ZNF385D: variants seen among roughly 807,000 people sequenced by gnomAD.
The protein encoded by ZNF385D is zinc finger protein 659.
A neutral mutation model predicts 35.8 loss-of-function variants in ZNF385D; 15 were observed. The observed-to-expected ratio is 0.42, with a 90% CI of 0.28 to 0.64. ZNF385D has a LOEUF of 0.64. Among genes scored for constraint, ZNF385D ranks in the 30% least tolerant of loss-of-function variants. The pLI, the probability that ZNF385D is intolerant of heterozygous loss-of-function variation, is 0.23. For missense variants in ZNF385D, 474 were observed against 494.6 expected (o/e 0.96, Z 0.39); for synonymous variants, 212 against 186.8 (o/e 1.13, Z -1.10).
chr3:21,679,040 A>G (rs1238083779), intron 1 of ZNF385D, among the ~76,000 whole-genome samples: 1 of 151,582 alleles, frequency 6.6e-6, no homozygotes, highest in Non-Finnish European at 1.5e-5. Flanking sequence ...ATGATAGTCA[A>G]TTTTCCCTTT....
intron 2 of ZNF385D, among the ~76,000 whole-genome samples, chr3:22,179,019 G>A (rs1695033613): frequency 6.6e-6 from 1 of 152,108 alleles, no homozygotes; most frequent in Non-Finnish European, 1.5e-5. Context: ...CAGGCAGCGT[G>A]ATGCCTCCAG....
upstream of ZNF385D, among the ~76,000 whole-genome samples, chr3:21,755,140 C>T (rs1260457152): frequency 2.0e-5 from 3 of 152,192 alleles, no homozygotes; most frequent in East Asian, 3.8e-4. Context: ...GTTAGCATAG[C>T]TCAGTTGTGT....
At chr3:22,273,699 C>A (rs79490716) in intron 2 of ZNF385D, among the ~76,000 whole-genome samples, 1 of 151,958 alleles carries the variant, frequency 6.6e-6, no homozygotes, top group South Asian at 2.1e-4. Context: ...ACAGATGTTA[C>A]AACTGGTTTA....
intron 4 of ZNF385D, among the ~76,000 whole-genome samples, chr3:21,451,275 TA>T (rs1325755110): frequency 2.6e-5 from 4 of 152,024 alleles, no homozygotes; most frequent in African/African-American, 9.7e-5. Context: ...GAGACGCTAA[TA>T]AAAAAAGTGT....
intron 4 of ZNF385D, among the ~76,000 whole-genome samples, chr3:21,446,468 A>T (rs1465627667): frequency 3.4e-5 from 5 of 148,092 alleles, no homozygotes; most frequent in Non-Finnish European, 7.4e-5. Context: ...AAAATTTTAG[A>T]TACTACCTAA....
At chr3:22,191,309 G>A (rs1696009990) in intron 2 of ZNF385D, among the ~76,000 whole-genome samples, 1 of 152,030 alleles carries the variant, frequency 6.6e-6, no homozygotes, top group Non-Finnish European at 1.5e-5. Context: ...TCAACATGGA[G>A]AAACCCCGTC....
At chr3:22,311,120 A>AGAAGAAAG (rs1703518502) in intron 2 of ZNF385D, among the ~76,000 whole-genome samples, 1 of 151,968 alleles carries the variant, frequency 6.6e-6, no homozygotes, top group African/African-American at 2.4e-5. Flanking sequence ...GGGTACGACC[A>AGAAGAAAG]GAGACAGAAG....
intron 3 of ZNF385D, among the ~76,000 whole-genome samples, chr3:21,943,824 A>C (rs1405055197): frequency 1.3e-5 from 2 of 152,222 alleles, no homozygotes; most frequent in Non-Finnish European, 2.9e-5. Flanking sequence ...CTAAGCCTGA[A>C]AACACTGATG....
At chr3:21,917,290 G>C (rs1377887291) in intron 3 of ZNF385D, among the ~76,000 whole-genome samples, 7 of 152,074 alleles carry the variant, frequency 4.6e-5, no homozygotes, top group African/African-American at 1.7e-4. Context: ...AAATTAGCTG[G>C]ATGTGGTGCG....
At position 21,711,039 on chromosome 3, in the gene ZNF385D, G is replaced by GTTTTTTTTTTTTTTTTTTTTTT. The variant is rs869252663; in HGVS notation, c.22+39855_22+39856insAAAAAAAAAAAAAAAAAAAAAA. Among the ~76,000 whole-genome samples, 26 of 83,140 alleles carry GTTTTTTTTTTTTTTTTTTTTTT rather than the reference G, an allele frequency of 3.1e-4. 5 individuals are homozygous for GTTTTTTTTTTTTTTTTTTTTTT. The highest frequency in any genetic ancestry group is 7.7e-4 in the African/African-American group (15 of 19,488). The allele number at this position is 83,140 out of a possible 152,430, so 54.5% of individuals were successfully genotyped here. A position where few individuals can be genotyped will look rare whatever the true frequency, so the allele number is the denominator to read the frequency against. ...TCTTAATTTCCTTATCCCTCTAAAA[G>GTTTTTTTTTTTTTTTTTTTTTT]TTTTTTTTTTTTTTTTTTTTGAGAT... On this transcript the variant is annotated intron_variant, in intron 1 of 7. Coordinates refer to ENST00000281523, the MANE Select transcript of ZNF385D (RefSeq NM_024697.3).
chr3:21,556,270 T>C (rs2062739621), intron 3 of ZNF385D, among the ~76,000 whole-genome samples: 1 of 152,248 alleles, frequency 6.6e-6, no homozygotes. Flanking sequence ...CCATTGCTTT[T>C]AGTGTTTTAG....
Position 22,023,679 on chromosome 3 carries a change from G to A in ZNF385D, c.325+145138C>T, listed in dbSNP as rs567876127. On this transcript the variant is annotated intron_variant, in intron 3 of 5. Transcript: ENST00000494108. ...GCAATGCTTTTTTTTTTATCAAACT[G>A]ATGATTCACTAAATCTCAATAGAAA... Among the ~76,000 whole-genome samples, 5 of 151,878 alleles carry A rather than the reference G, an allele frequency of 3.3e-5. No individual in the cohort carries two copies. In the South Asian group the frequency reaches 8.3e-4, roughly 25 times the overall value.
intron 1 of ZNF385D, among the ~76,000 whole-genome samples, chr3:21,665,335 G>A (rs1396585534): frequency 1.3e-5 from 2 of 152,220 alleles, no homozygotes; most frequent in South Asian, 2.1e-4. Context: ...TCACAAATCT[G>A]CAACCAAGAT....
At chr3:22,350,886 A>G (rs796395722) in intron 2 of ZNF385D, among the ~76,000 whole-genome samples, 3 of 152,220 alleles carry the variant, frequency 2.0e-5, no homozygotes, top group African/African-American at 4.8e-5. Context: ...AGGTATACCT[A>G]AAACCATTCT....
chr3:21,759,008 A>AAAAT (rs1553654590), intron 3 of ZNF385D, among the ~76,000 whole-genome samples: 1 of 130,820 alleles, frequency 7.6e-6, no homozygotes, highest in African/African-American at 2.8e-5. Flanking sequence ...AAAAAAAAAC[A>AAAAT]GTGGTGATGC....
intron 2 of ZNF385D, among the ~76,000 whole-genome samples, chr3:22,333,706 T>C (rs933007444): frequency 6.6e-6 from 1 of 152,206 alleles, no homozygotes. Flanking sequence ...AGAATTTTTA[T>C]AATAGCTGCC....
chr3:21,676,088 T>C (rs2125298414), intron 1 of ZNF385D, among the ~76,000 whole-genome samples: 1 of 152,242 alleles, frequency 6.6e-6, no homozygotes, highest in East Asian at 1.9e-4. Context: ...CATGTCACTG[T>C]CACCAGCATC....
intron 1 of ZNF385D, among the ~76,000 whole-genome samples, chr3:21,724,216 A>G (rs931892391): frequency 6.6e-6 from 1 of 152,040 alleles, no homozygotes; most frequent in Non-Finnish European, 1.5e-5. Context: ...TGTAAAGACC[A>G]TCGACACTAT....
intron 4 of ZNF385D, among the ~76,000 whole-genome samples, chr3:21,500,461 T>C (rs1706280220): frequency 6.6e-6 from 1 of 152,136 alleles, no homozygotes; most frequent in Non-Finnish European, 1.5e-5. Context: ...GTGCTAGGAA[T>C]GAGTTTATGC....
Sources: allele counts gnomAD v4.1 joint callset (sites outside exome capture counted in the v4.1 genomes callset), GRCh38; gene constraint gnomAD v4.1.1; transcripts MANE v1.5; gene names NCBI Gene and HGNC (gene_info 2026-07-23, HGNC 2026-07-21).